Variants in WDPCP observed in about 807,000 individuals in gnomAD.
The protein encoded by WDPCP is WD repeat containing planar cell polarity effector, also known as WD repeat-containing and planar cell polarity effector protein fritz homolog.
WDPCP carries 71 observed loss-of-function variants against 93.1 expected under a neutral mutation model. The ratio of observed to expected loss-of-function variants is 0.76; its 90% CI spans 0.63 to 0.93. The LOEUF (loss-of-function observed/expected upper bound fraction) is 0.93. WDPCP is among the 40% of genes least tolerant of loss of function. The pLI is 0.00. For synonymous variants in WDPCP, 315 were observed against 315.0 expected, an observed-to-expected ratio of 1.00 and a Z score of 0.00; for missense variants, 844 against 887.4, an observed-to-expected ratio of 0.95 and a Z score of 0.62.
intron 9 of WDPCP, among the ~76,000 whole-genome samples, chr2:63,407,556 G>A (rs1447487658): frequency 2.6e-5 from 4 of 152,074 alleles, no homozygotes; most frequent in Non-Finnish European, 5.9e-5. Flanking sequence ...CTTCATTCAT[G>A]TTTTTTGCCT....
intron 2 of WDPCP, among the ~76,000 whole-genome samples, chr2:63,678,614 T>G (rs1036643651): frequency 3.3e-5 from 5 of 152,218 alleles, no homozygotes; most frequent in African/African-American, 1.2e-4. Flanking sequence ...GAGCTAAAAA[T>G]TACTTTTCCC....
rs921208312 is a variant in WDPCP, at chr2:63,341,777, A to G, written c.1749-28466T>C. ...TTGATGCATTTTCTCTTTCATCAAT[A>G]TATGATGTTCTTCTTTGCCTCATGT... On this transcript the variant is annotated intron_variant, in intron 12 of 17. Coordinates refer to ENST00000272321, the MANE Select transcript of WDPCP (RefSeq NM_015910.7). Among the ~76,000 whole-genome samples the G allele has an allele frequency of 5.7e-4, 87 of 152,196 alleles. 1 individual carries two copies. The highest frequency in any genetic ancestry group is 2.9e-5 in the Non-Finnish European group (2 of 68,028).
intron 13 of WDPCP, among the ~76,000 whole-genome samples, chr2:63,287,440 A>G (rs553711661): frequency 1.3e-5 from 2 of 151,760 alleles, no homozygotes; most frequent in East Asian, 3.9e-4. Flanking sequence ...GTAACACCCT[A>G]ATTATTCATC....
intron 6 of WDPCP, among the ~76,000 whole-genome samples, chr2:63,460,043 C>G (rs1160499758): frequency 6.6e-6 from 1 of 152,144 alleles, no homozygotes; most frequent in Non-Finnish European, 1.5e-5. Flanking sequence ...ACATGTTTAT[C>G]ACAGCACTAT....
intron 13 of WDPCP, among the ~76,000 whole-genome samples, chr2:63,273,591 C>A (rs917407591): frequency 6.6e-6 from 1 of 152,016 alleles, no homozygotes; most frequent in Non-Finnish European, 1.5e-5. Context: ...ACACTGACTT[C>A]ACCTGTAAAG....
rs911316513 is a variant in WDPCP at position 63,119,770 on chromosome 2, T to G, written c.*2236A>C. Among the ~76,000 whole-genome samples the G allele has an allele frequency of 6.6e-6, 1 of 152,224 alleles. No individual in the cohort carries two copies. The highest frequency in any genetic ancestry group is 1.5e-5 in the Non-Finnish European group (1 of 68,038). On this transcript the variant is annotated 3_prime_UTR_variant, in exon 18 of 18. Coordinates refer to ENST00000272321, the MANE Select transcript of WDPCP (RefSeq NM_015910.7). Reference sequence around the variant, plus strand: ...TATACCACTCTTCTTACTTTAGAGCTATGGTAGCCCCTTCATAATCCTTTC... The same window carrying G: ...TATACCACTCTTCTTACTTTAGAGCGATGGTAGCCCCTTCATAATCCTTTC...
chr2:63,513,247 A>C (rs1470189590), intron 1 of WDPCP, among the ~76,000 whole-genome samples: 1 of 152,202 alleles, frequency 6.6e-6, no homozygotes, highest in Non-Finnish European at 1.5e-5. Context: ...AAAATATAGT[A>C]TGCTACATGA....
Position 63,605,243 on chromosome 2 carries a change from C to G in WDPCP, n.488+45416G>C, listed in dbSNP as rs1272182975. The G allele has an allele frequency of 2.2e-6, 3 of 1,366,432 alleles. No individual in the cohort carries two copies. The South Asian group carries it at 3.5e-5, about 16-fold the overall frequency. The allele number at this position is 1,366,432 out of a possible 1,614,324, so 84.6% of individuals were successfully genotyped here. ...TTAATGAAAACTTTGCTATCATGAC[C>G]AAGTAATACTGCTGCCTTCACCTGC... On this transcript the variant is annotated intron_variant and non_coding_transcript_variant, in intron 3 of 4. Transcript: ENST00000467687.
In WDPCP at chr2:63,667,786, C is replaced by T. The variant is rs375447600; in HGVS notation, n.309-16948G>A. On this transcript the variant is annotated intron_variant and non_coding_transcript_variant, in intron 2 of 4. Coordinates refer to the WDPCP transcript ENST00000467687. ...TAATACTTGCTGCACCCTCTGGATT[C>T]TGGCTAGGGAAACCCAAGTAGTCTT... is the stretch of plus-strand genomic sequence containing the variant. Among the ~76,000 whole-genome samples, 33 of 152,210 alleles carry T rather than the reference C, an allele frequency of 2.2e-4. 1 individual carries two copies. In the South Asian group the frequency reaches 6.8e-3, roughly 32 times the overall value.
intron 14 of WDPCP, among the ~76,000 whole-genome samples, chr2:63,242,512 C>T (rs956171625): frequency 2.6e-5 from 4 of 152,178 alleles, no homozygotes; most frequent in African/African-American, 9.7e-5. Flanking sequence ...GTCCCAGCTA[C>T]ACAGGAAGCT....
chr2:63,605,242 C>G, intron 3 of WDPCP: 1 of 1,361,246 alleles, frequency 7.3e-7, no homozygotes. Flanking sequence ...GCTATCATGA[C>G]CAAGTAATAC....
chr2:63,768,402 G>C lies in WDPCP; in HGVS notation n.308+45220C>G, dbSNP rs1670177445. Among the ~76,000 whole-genome samples the C allele has an allele frequency of 5.3e-5, 8 of 150,024 alleles. No individual in the cohort carries two copies. In the South Asian group the frequency reaches 1.5e-3, roughly 27 times the overall value. ...GTCCTCTGCATTTTTATGAGTTTTAGAGTCAATCTGTCAACTTTTAAAAAA... is the reference window on the plus strand; with the variant it reads ...GTCCTCTGCATTTTTATGAGTTTTACAGTCAATCTGTCAACTTTTAAAAAA... On this transcript the variant is annotated intron_variant and non_coding_transcript_variant, in intron 2 of 4. Coordinates refer to the WDPCP transcript ENST00000467687.
chr2:63,583,266 A>G (rs961908814), intron 1 of WDPCP, among the ~76,000 whole-genome samples: 1 of 152,240 alleles, frequency 6.6e-6, no homozygotes, highest in Non-Finnish European at 1.5e-5. Context: ...CCAATAAAGG[A>G]GATAAAATGG....
chr2:63,393,357 G>A (rs1041910955), intron 10 of WDPCP, among the ~76,000 whole-genome samples: 3 of 152,046 alleles, frequency 2.0e-5, no homozygotes, highest in Non-Finnish European at 2.9e-5. Flanking sequence ...GACACAGGAA[G>A]GGGAACATCA....
chr2:63,124,491 C>T (rs1352834611), intron 17 of WDPCP, among the ~76,000 whole-genome samples: 4 of 152,224 alleles, frequency 2.6e-5, no homozygotes, highest in Non-Finnish European at 2.9e-5. Context: ...GGTCACTTTC[C>T]TTTAAATGTA....
At chr2:63,636,125 T>A (rs1315392895) in intron 3 of WDPCP, among the ~76,000 whole-genome samples, 3 of 152,142 alleles carry the variant, frequency 2.0e-5, no homozygotes, top group African/African-American at 7.2e-5. Context: ...ATCAAAAAAA[T>A]TAATGTATTT....
chr2:63,497,696 T>A (rs981361888), intron 1 of WDPCP, among the ~76,000 whole-genome samples: 2 of 152,210 alleles, frequency 1.3e-5, no homozygotes, highest in African/African-American at 4.8e-5. Context: ...GCTCTAAACA[T>A]CTTGAATCTT....
chr2:63,712,558 T>C (rs543912479), intron 2 of WDPCP, among the ~76,000 whole-genome samples: 1 of 152,324 alleles, frequency 6.6e-6, no homozygotes, highest in South Asian at 2.1e-4. Context: ...AATTACTCTA[T>C]GAACTACATC....
chr2:63,802,520 C>A (rs1228099437), intron 2 of WDPCP, among the ~76,000 whole-genome samples: 1 of 152,010 alleles, frequency 6.6e-6, no homozygotes, highest in Admixed American at 6.6e-5. Flanking sequence ...TCCTAAAGAA[C>A]TACCTTGCTG....
Sources: gnomAD v4.1 joint callset for allele counts (sites outside exome capture counted in the v4.1 genomes callset) on GRCh38, gnomAD v4.1.1 for gene constraint, MANE v1.5 for transcripts, NCBI Gene and HGNC (gene_info 2026-07-23, HGNC 2026-07-21) for gene names.